Variants in CCNT1 observed in about 807,000 individuals in gnomAD.
CCNT1 encodes cyclin-T1.
In CCNT1, 18 loss-of-function variants were observed where a neutral mutation model predicts 67.3. The observed-to-expected ratio is 0.27, with a 90% CI of 0.18 to 0.40. CCNT1 has a LOEUF of 0.40. CCNT1 is among the 10% of genes least tolerant of loss of function. CCNT1 has a pLI of 1.00. For synonymous variants in CCNT1, 333 were observed against 310.3 expected, an observed-to-expected ratio of 1.07 and a Z score of -0.77; for missense variants, 744 against 884.9, an observed-to-expected ratio of 0.84 and a Z score of 2.02.
At chr12:48,713,141 A>G (rs1315333511) in intron 2 of CCNT1, among the ~76,000 whole-genome samples, 1 of 152,112 alleles carries the variant, frequency 6.6e-6, no homozygotes, top group African/African-American at 2.4e-5. Context: ...GTACAAAAAA[A>G]TAAAATTTCT....
At position 48,700,995 on chromosome 12, in the gene CCNT1, A is replaced by G; in HGVS notation, c.433+18T>C. The G allele has an allele frequency of 7.0e-7, 1 of 1,424,526 alleles. No homozygotes were observed. The highest frequency in any genetic ancestry group is 9.7e-7 in the Non-Finnish European group (1 of 1,031,828). 88.2% of individuals were successfully genotyped at this position (1,424,526 alleles called of 1,614,324 possible). ...ATTGCATAATTTAAAAAAATGTTTC[A>G]AAGGAAAATAAACTTACCTAAAGTC... is the stretch of plus-strand genomic sequence containing the variant. On this transcript the variant is annotated intron_variant, in intron 4 of 8. Coordinates refer to ENST00000261900, the MANE Select transcript of CCNT1 (RefSeq NM_001240.4).
chr12:48,693,545 T>C lies in CCNT1; in HGVS notation c.1669A>G (p.Lys557Glu), dbSNP rs753271104. ...AAAGAACTAGACAAGCTATAGGTTT[T>C]ATGTGCTAAGTTGCTTGTCTGGCTA... is the stretch of plus-strand genomic sequence containing the variant. ...HSSQTSNLAH[K>E]TYSLSSSFSS... is the part of the protein sequence containing the mutation. Residue 557 changes from lysine to glutamate, a missense_variant, in exon 9 of 9, where the codon AAA becomes GAA. Lys to Glu is a moderately conservative substitution (Grantham distance 56). Around this residue, in one of 3 missense-constraint regions of CCNT1, gnomAD observed 564 missense variants for 574.2 expected, o/e 0.98. Transcript: ENST00000261900. 6.8e-6 allele frequency: 11 copies of C among 1,614,172 alleles called. No individual in the cohort carries two copies. The highest frequency in any genetic ancestry group is 7.6e-6 in the Non-Finnish European group (9 of 1,180,028).
chr12:48,698,956 CAAAAA>C (rs34991080), intron 5 of CCNT1, among the ~76,000 whole-genome samples: 2 of 100,982 alleles, frequency 2.0e-5, no homozygotes, highest in African/African-American at 7.4e-5. Flanking sequence ...AACTCCGTCT[CAAAAA>C]AAAAAAAAAG....
At chr12:48,701,902 G>A (rs957284507) in intron 3 of CCNT1, among the ~76,000 whole-genome samples, 1 of 150,070 alleles carries the variant, frequency 6.7e-6, no homozygotes, top group Non-Finnish European at 1.5e-5. Context: ...CACCGCACCC[G>A]GCCTTTTTTT....
At chr12:48,695,671 C>A in intron 8 of CCNT1, 88 bp downstream of exon 8, 1 of 847,576 alleles carries the variant, frequency 1.2e-6, no homozygotes. Context: ...AATTCCAAAC[C>A]TAGGGTACAT....
Position 48,692,482 on chromosome 12 carries a change from T to G in CCNT1, c.*551A>C, listed in dbSNP as rs188369000. On this transcript the variant is annotated 3_prime_UTR_variant, in exon 9 of 9. Transcript: ENST00000261900. ...TAGCCTCCCACCCACCCTCACACAT[T>G]CCCACCCTCCAATCCCACCCACCAG... 6.7e-6 allele frequency: 1 copy of G among 149,658 alleles called. No individual in the cohort carries two copies. The highest frequency in any genetic ancestry group is 1.5e-5 in the Non-Finnish European group (1 of 67,390). 9.3% of individuals were successfully genotyped at this position (149,658 alleles called of 1,614,324 possible).
chr12:48,707,832 C>T (rs528803138), intron 2 of CCNT1, among the ~76,000 whole-genome samples: 7 of 149,764 alleles, frequency 4.7e-5, no homozygotes, highest in Non-Finnish European at 1.0e-4. Context: ...GCCGAGGTAG[C>T]GGATCACTTG....
chr12:48,693,838 G>A lies in CCNT1; in HGVS notation c.1376C>T (p.Ala459Val). 6.2e-7 allele frequency: 1 copy of A among 1,614,102 alleles called. No individual in the cohort carries two copies. The highest frequency in any genetic ancestry group is 8.5e-7 in the Non-Finnish European group (1 of 1,179,992). Residue 459 changes from alanine (A) to valine (V), a missense_variant, in exon 9 of 9, where the codon GCT becomes GTT. Around this residue, in one of 3 missense-constraint regions of CCNT1, gnomAD observed 564 missense variants for 574.2 expected, o/e 0.98. Transcript: ENST00000261900. ...TGCCACTGGGATTCTCATTTTGAGA[G>A]CTGTTTTGTCAGCCTTTTCCAGAAA... is the stretch of plus-strand genomic sequence containing the variant. The part of the protein sequence containing the change: ...RPFLEKADKT[A>V]LKMRIPVAGG...
Position 48,699,651 on chromosome 12 carries a change from T to A in CCNT1, c.496+127A>T, listed in dbSNP as rs1940232752. ...AAAACATCAAGTCAGAACAACTCAT[T>A]TTGATTTAAGCCAAGTAGGCCTTTA... On this transcript the variant is annotated intron_variant, in intron 5 of 8. Coordinates refer to ENST00000261900, the MANE Select transcript of CCNT1 (RefSeq NM_001240.4). 3 of 570,056 alleles carry A rather than the reference T, an allele frequency of 5.3e-6. No homozygotes were observed. In the South Asian group the frequency reaches 9.5e-5, roughly 18 times the overall value. 35.3% of individuals were successfully genotyped at this position (570,056 alleles called of 1,614,324 possible). A position where few individuals can be genotyped will look rare whatever the true frequency, so the allele number is the denominator to read the frequency against.
At chr12:48,714,676 T>C (rs1940506950) in intron 1 of CCNT1, 152 bp from the exon 2 acceptor site, 1 of 584,816 alleles carries the variant, frequency 1.7e-6, no homozygotes, top group African/African-American at 1.9e-5. Flanking sequence ...AATATGTCTG[T>C]TTTCTTTCAC....
chr12:48,710,594 C>T (rs1019160755), intron 2 of CCNT1, among the ~76,000 whole-genome samples: 1 of 151,926 alleles, frequency 6.6e-6, no homozygotes, highest in Non-Finnish European at 1.5e-5. Flanking sequence ...CCAGCCTGGG[C>T]AACAGAGCGA....
chr12:48,711,486 T>C (rs1309844147), intron 2 of CCNT1, among the ~76,000 whole-genome samples: 10 of 152,142 alleles, frequency 6.6e-5, no homozygotes, highest in African/African-American at 2.4e-4. Context: ...GTTTCTTTTT[T>C]TGATTTGAGA....
At chr12:48,710,434 A>G (rs904496251) in intron 2 of CCNT1, among the ~76,000 whole-genome samples, 2 of 152,202 alleles carry the variant, frequency 1.3e-5, no homozygotes, top group African/African-American at 4.8e-5. Context: ...AAAAAGGATC[A>G]ACAACTTCAA....
chr12:48,704,163 A>G (rs1940317541), intron 3 of CCNT1, among the ~76,000 whole-genome samples: 1 of 152,212 alleles, frequency 6.6e-6, no homozygotes, highest in Non-Finnish European at 1.5e-5. Flanking sequence ...CTATCTATAG[A>G]AAAGAAGCCA....
intron 5 of CCNT1, 138 bp from the exon 6 acceptor site, chr12:48,698,321 C>T: frequency 1.8e-6 from 1 of 548,898 alleles, no homozygotes; most frequent in Non-Finnish European, 3.2e-6. Flanking sequence ...CACATGGTCC[C>T]TGTAAACCTG....
At chr12:48,700,284 A>G (rs1357659949) in intron 4 of CCNT1, among the ~76,000 whole-genome samples, 2 of 148,836 alleles carry the variant, frequency 1.3e-5, no homozygotes, top group South Asian at 2.1e-4. Context: ...GTGCCACTGC[A>G]CTCCAGCCTG....
At position 48,693,226 on chromosome 12, in the gene CCNT1, A is replaced by G; in HGVS notation, c.1988T>C (p.Met663Thr). The G allele has an allele frequency of 6.2e-7, 1 of 1,614,236 alleles. No homozygotes were observed. The highest frequency in any genetic ancestry group is 8.5e-7 in the Non-Finnish European group (1 of 1,180,032). ...QTIDYQDTVN[M>T]LHSLLSAQGV... The stretch of plus-strand genomic sequence containing the variant: ...CTGGGCACTGAGCAGGGAGTGAAGC[A>G]TATTCACAGTGTCTTGATAGTCTAT... The change falls in exon 9 of 9, where the codon ATG becomes ACG. Residue 663 changes from methionine (M) to threonine (T), a missense_variant. Met to Thr is a moderately conservative substitution (Grantham distance 81). This residue lies in a region of CCNT1 where 564 missense variants were observed against 574.2 expected (regional missense o/e 0.98). Transcript: ENST00000261900.
chr12:48,703,391 T>C (rs955098503), intron 3 of CCNT1, among the ~76,000 whole-genome samples: 11 of 151,424 alleles, frequency 7.3e-5, no homozygotes, highest in African/African-American at 2.2e-4. Context: ...CTGACCAACA[T>C]GGAGAAACCC....
chr12:48,701,339 C>T (rs141134334), intron 3 of CCNT1, among the ~76,000 whole-genome samples: 1 of 151,008 alleles, frequency 6.6e-6, no homozygotes, highest in Admixed American at 6.6e-5. Flanking sequence ...AATTCCCCTG[C>T]CTCAGCCTCC....
Sources: allele counts gnomAD v4.1 joint callset (sites outside exome capture counted in the v4.1 genomes callset), GRCh38; gene constraint gnomAD v4.1.1; regional missense constraint gnomAD v4.1.1; transcripts MANE v1.5; gene names NCBI Gene and HGNC (gene_info 2026-07-23, HGNC 2026-07-21).